NSD1: variants seen among roughly 807,000 people sequenced by gnomAD.
NSD1 encodes the protein histone-lysine N-methyltransferase, H3 lysine-36 specific.
A neutral mutation model predicts 242.7 loss-of-function variants in NSD1; 26 were observed. The ratio of observed to expected loss-of-function variants is 0.11; its 90% CI spans 0.08 to 0.15. The LOEUF (loss-of-function observed/expected upper bound fraction) is 0.15, where lower values mean the gene tolerates loss of function less well. Ranked by LOEUF, NSD1 falls within the 10% of genes least tolerant of loss-of-function variation. The pLI is 1.00. For synonymous variants in NSD1, 1,106 were observed against 1,178.1 expected, an observed-to-expected ratio of 0.94 and a Z score of 1.25; for missense variants, 2,495 against 3,272.8, an observed-to-expected ratio of 0.76 and a Z score of 5.80.
Position 177,254,463 on chromosome 5 carries a change from G to A in NSD1, c.4766-2488G>A, listed in dbSNP as rs533970529. On this transcript the variant is annotated intron_variant, in intron 12 of 22. Coordinates refer to ENST00000439151, the MANE Select transcript of NSD1 (RefSeq NM_022455.5). Reference sequence around the variant, plus strand: ...CACCCAGGCCGGAGTGCAGTGGCGTGATCTCAGCTAACTGCAACCTCCACC... The same window carrying A: ...CACCCAGGCCGGAGTGCAGTGGCGTAATCTCAGCTAACTGCAACCTCCACC... Among the ~76,000 whole-genome samples the A allele has an allele frequency of 1.9e-3, 294 of 151,818 alleles. 1 individual carries two copies. The highest frequency in any genetic ancestry group is 6.8e-3 in the African/African-American group (283 of 41,402).
At chr5:177,150,741 G>A (rs1757635599) in intron 2 of NSD1, among the ~76,000 whole-genome samples, 2 of 152,256 alleles carry the variant, frequency 1.3e-5, no homozygotes, top group South Asian at 4.1e-4. Flanking sequence ...GAGTCTGAAG[G>A]TAGTCTTTCT....
At chr5:177,141,319 CTT>C (rs567992731) in intron 2 of NSD1, among the ~76,000 whole-genome samples, 1 of 97,034 alleles carries the variant, frequency 1.0e-5, no homozygotes, top group African/African-American at 5.9e-5. Context: ...CGCGCGCAGC[CTT>C]TTTTTTTTTT....
chr5:177,207,250 G>A (rs988995346), intron 4 of NSD1, among the ~76,000 whole-genome samples: 3 of 144,134 alleles, frequency 2.1e-5, no homozygotes, highest in South Asian at 2.3e-4. Flanking sequence ...GCCCGGCCTC[G>A]TTACCGTAAT....
chr5:177,252,975 C>G (rs1280032817), intron 12 of NSD1, among the ~76,000 whole-genome samples: 2 of 151,860 alleles, frequency 1.3e-5, no homozygotes, highest in African/African-American at 4.8e-5. Flanking sequence ...ACTACCTGGG[C>G]GTATATGCTC....
intron 2 of NSD1, among the ~76,000 whole-genome samples, chr5:177,181,156 A>G (rs1032208259): frequency 2.6e-5 from 4 of 151,332 alleles, no homozygotes; most frequent in African/African-American, 7.3e-5. Context: ...CAGCCTCCCT[A>G]ATAGCTGGGA....
intron 2 of NSD1, among the ~76,000 whole-genome samples, chr5:177,176,620 A>T (rs993880687): frequency 6.6e-6 from 1 of 152,122 alleles, no homozygotes; most frequent in South Asian, 2.1e-4. Flanking sequence ...ATTGATGTTT[A>T]TAACTGTATA....
intron 2 of NSD1, among the ~76,000 whole-genome samples, chr5:177,160,837 A>G (rs1758688849): frequency 6.6e-6 from 1 of 151,858 alleles, no homozygotes; most frequent in East Asian, 1.9e-4. Flanking sequence ...ATCTAGGATT[A>G]TAAGGACTGC....
At chr5:177,250,805 G>A (rs966995768) in intron 11 of NSD1, among the ~76,000 whole-genome samples, 1 of 152,096 alleles carries the variant, frequency 6.6e-6, no homozygotes, top group Non-Finnish European at 1.5e-5. Context: ...ATTCTTAAGT[G>A]ATCAAGACCT....
chr5:177,177,703 T>G (rs942028296), intron 2 of NSD1, among the ~76,000 whole-genome samples: 2 of 152,210 alleles, frequency 1.3e-5, no homozygotes, highest in Non-Finnish European at 2.9e-5. Flanking sequence ...ATTATATGTG[T>G]GAGAACCTAT....
At chr5:177,233,933 G>C (rs1765252378) in intron 5 of NSD1, among the ~76,000 whole-genome samples, 1 of 152,310 alleles carries the variant, frequency 6.6e-6, no homozygotes, top group African/African-American at 2.4e-5. Context: ...TATGCTGGCA[G>C]CTGTGAATAG....
rs551173256 is a variant in NSD1, at chr5:177,189,775, C to T, written c.928-2109C>T. ...CCATATTTAGCAGTGCCAAATAAATCATATTTAAATAATCAAAAATCAAAT... is the reference window on the plus strand; with the variant it reads ...CCATATTTAGCAGTGCCAAATAAATTATATTTAAATAATCAAAAATCAAAT... On this transcript the variant is annotated intron_variant, in intron 2 of 22. Transcript: ENST00000439151. 5.3e-5 allele frequency among the ~76,000 whole-genome samples: 8 copies of T among 152,216 alleles called. 1 individual carries two copies. In the South Asian group the frequency reaches 1.7e-3, roughly 32 times the overall value.
In NSD1 at chr5:177,294,314, C is replaced by G. The variant is rs776447095; in HGVS notation, c.6946C>G (p.Leu2316Val). 1.2e-6 allele frequency: 2 copies of G among 1,614,218 alleles called. No individual in the cohort carries two copies. The highest frequency in any genetic ancestry group is 2.2e-5 in the South Asian group (2 of 91,088). The change falls in exon 23 of 23, where the codon CTG becomes GTG. Residue 2316 changes from leucine to valine, a missense_variant. Physicochemically the swap from Leu to Val is conservative, Grantham distance 32. Transcript: ENST00000439151. The stretch of plus-strand genomic sequence containing the variant: ...ATCCTTGGTTTCCAGCCAGAGGCCA[C>G]TGGACAGGCCACCAGCAGTGGCAGG... ...SQSLVSSQRPLDRPPAVAGPR... is the reference protein window; with the variant it reads ...SQSLVSSQRPVDRPPAVAGPR...
chr5:177,294,710 TC>T lies in NSD1; in HGVS notation c.7343del (p.Ser2448Ter). ...GAGGCCTGTGGACCAGAATACTCAG[TC>T]AAAAAATAGAGCTGCTTTGGTGATG... ...ALRPVDQNTQ[S>X]KNRAALVMDL... is the part of the protein sequence containing the mutation. On this transcript the variant is annotated frameshift_variant, in exon 23 of 23. Transcript: ENST00000439151. LOFTEE classifies it high-confidence loss of function. 1 of 1,614,092 alleles carries T rather than the reference TC, an allele frequency of 6.2e-7. No individual in the cohort carries two copies. The highest frequency in any genetic ancestry group is 8.5e-7 in the Non-Finnish European group (1 of 1,180,004).
At position 177,151,714 on chromosome 5, in the gene NSD1, CAG is replaced by C. The variant is rs1306015178; in HGVS notation, c.927+15685_927+15686del. Among the ~76,000 whole-genome samples the C allele has an allele frequency of 3.4e-5, 5 of 148,626 alleles. No individual in the cohort carries two copies. In the East Asian group the frequency reaches 1.0e-3, roughly 30 times the overall value. Reference sequence around the variant, plus strand: ...TTTTTTTTTTTTTTATCTTTTGAGACAGGGTCTCACTCTGTTGGCTAGGCTGG... The same window carrying C: ...TTTTTTTTTTTTTTATCTTTTGAGACGGTCTCACTCTGTTGGCTAGGCTGG... On this transcript the variant is annotated intron_variant, in intron 2 of 22. Coordinates refer to ENST00000439151, the MANE Select transcript of NSD1 (RefSeq NM_022455.5).
At chr5:177,263,476 G>A (rs1361911583) in intron 14 of NSD1, among the ~76,000 whole-genome samples, 1 of 152,192 alleles carries the variant, frequency 6.6e-6, no homozygotes, top group Non-Finnish European at 1.5e-5. Flanking sequence ...CAAGTAAGCA[G>A]TCATCGTGTT....
chr5:177,173,864 A>G (rs1048297572), intron 2 of NSD1, among the ~76,000 whole-genome samples: 7 of 152,228 alleles, frequency 4.6e-5, no homozygotes, highest in African/African-American at 7.2e-5. Flanking sequence ...ATAGTCATTC[A>G]TATGTGTTCT....
chr5:177,282,984 C>T (rs1034038393), intron 19 of NSD1, among the ~76,000 whole-genome samples: 2 of 152,100 alleles, frequency 1.3e-5, no homozygotes, highest in Admixed American at 6.6e-5. Context: ...GACAGAGTCT[C>T]GTTCTGTCAC....
chr5:177,136,044 G>T lies in NSD1; in HGVS notation c.927+14G>T. 3 of 1,606,378 alleles carry T rather than the reference G, an allele frequency of 1.9e-6. No homozygotes were observed. The highest frequency in any genetic ancestry group is 1.7e-4 in the Middle Eastern group (1 of 6,048). ...GAATTGCCATTTGTAAGCAGTTTTT[G>T]GTACAACTTAAATATATACATATAT... On this transcript the variant is annotated intron_variant, in intron 2 of 22. Transcript: ENST00000439151.
chr5:177,234,074 C>T (rs1765262623), intron 5 of NSD1, among the ~76,000 whole-genome samples: 1 of 152,146 alleles, frequency 6.6e-6, no homozygotes, highest in Non-Finnish European at 1.5e-5. Context: ...GCTGTGTTCA[C>T]TGATGATAAT....
Sources: gnomAD v4.1 joint callset for allele counts (sites outside exome capture counted in the v4.1 genomes callset) on GRCh38, gnomAD v4.1.1 for gene constraint, MANE v1.5 for transcripts, NCBI Gene and HGNC (gene_info 2026-07-23, HGNC 2026-07-21) for gene names.